The following CPA6 variants were observed in gnomAD, a reference collection of about 807,000 sequenced individuals.
CPA6 encodes the protein carboxypeptidase A6, also known as carboxypeptidase B.
In CPA6, 58 loss-of-function variants were observed where a neutral mutation model predicts 63.3. The observed-to-expected ratio is 0.92, with a 90% CI of 0.74 to 1.14. The LOEUF is 1.14. Ranked by LOEUF, CPA6 falls within the 50% of genes most tolerant of loss-of-function variation. The probability of loss-of-function intolerance (pLI) is 0.00; values close to 1 mark genes in which losing one functional copy is unlikely to be tolerated. For missense variants in CPA6, 565 were observed against 526.6 expected, an observed-to-expected ratio of 1.07 and a Z score of -0.71; for synonymous variants, 185 against 179.0, an observed-to-expected ratio of 1.03 and a Z score of -0.27.
At chr8:67,560,852 C>T (rs1160689094) in intron 2 of CPA6, among the ~76,000 whole-genome samples, 1 of 152,170 alleles carries the variant, frequency 6.6e-6, no homozygotes, top group Non-Finnish European at 1.5e-5. Flanking sequence ...AGCCCCATCC[C>T]TATTTCTGTT....
intron 1 of CPA6, among the ~76,000 whole-genome samples, chr8:67,743,634 A>C (rs879847816): frequency 5.3e-5 from 8 of 150,890 alleles, no homozygotes; most frequent in Non-Finnish European, 1.0e-4. Flanking sequence ...ATCCCAAGGC[A>C]ATTTTTTTTT....
chr8:67,634,343 C>G (rs909940325), intron 1 of CPA6, among the ~76,000 whole-genome samples: 2 of 150,598 alleles, frequency 1.3e-5, no homozygotes, highest in African/African-American at 5.0e-5. Flanking sequence ...CTCAGCCTCC[C>G]GAGTAGCTGG....
Position 67,681,200 on chromosome 8 carries a change from C to CTTTTTTT in CPA6, c.117-56956_117-56950dup, listed in dbSNP as rs1007305743. Among the ~76,000 whole-genome samples, 30 of 89,878 alleles carry CTTTTTTT rather than the reference C, an allele frequency of 3.3e-4. 5 individuals carry two copies. Among genetic ancestry groups the CTTTTTTT allele is most frequent in the African/African-American group, 1.5e-3 (25 of 16,234 alleles). 59.0% of individuals were successfully genotyped at this position (89,878 alleles called of 152,430 possible). On this transcript the variant is annotated intron_variant, in intron 1 of 10. Transcript: ENST00000297770. ...CTCAACCCAAGGTCACAAAGATTTT[C>CTTTTTTT]TTTTTTTTTTTTTTTTTTTTGAGAC...
intron 1 of CPA6, among the ~76,000 whole-genome samples, chr8:67,627,549 G>A (rs1815221145): frequency 6.6e-6 from 1 of 152,130 alleles, no homozygotes; most frequent in South Asian, 2.1e-4. Context: ...TATGGGTTGA[G>A]GTTAGAAAGA....
chr8:67,488,908 T>C (rs970726581), intron 6 of CPA6, among the ~76,000 whole-genome samples: 4 of 152,204 alleles, frequency 2.6e-5, no homozygotes, highest in Non-Finnish European at 4.4e-5. Flanking sequence ...TTTTGTATCC[T>C]GAGACTTCAC....
intron 2 of CPA6, among the ~76,000 whole-genome samples, chr8:67,539,419 T>G (rs916875057): frequency 1.3e-5 from 2 of 152,244 alleles, no homozygotes; most frequent in Non-Finnish European, 2.9e-5. Context: ...TCTGTCTGGC[T>G]GCCCTTAACA....
At chr8:67,701,026 C>T (rs1817012972) in intron 1 of CPA6, among the ~76,000 whole-genome samples, 1 of 152,058 alleles carries the variant, frequency 6.6e-6, no homozygotes, top group Non-Finnish European at 1.5e-5. Flanking sequence ...ATAATTACTA[C>T]AGATAGATAC....
At chr8:67,456,860 G>A (rs536393282) in intron 8 of CPA6, among the ~76,000 whole-genome samples, 110 of 152,354 alleles carry the variant, frequency 7.2e-4, no homozygotes, top group South Asian at 1.4e-3. Flanking sequence ...CAGAAGAGAA[G>A]GCTATGAGAC....
intron 1 of CPA6, among the ~76,000 whole-genome samples, chr8:67,732,867 G>C (rs1817732782): frequency 6.6e-6 from 1 of 152,084 alleles, no homozygotes; most frequent in South Asian, 2.1e-4. Flanking sequence ...CTCCAGCCAT[G>C]TCACCCTGCT....
Position 67,480,931 on chromosome 8 carries a change from C to A in CPA6, c.838+2837G>T, listed in dbSNP as rs374456603. Among the ~76,000 whole-genome samples the A allele has an allele frequency of 5.9e-5, 9 of 152,192 alleles. No individual in the cohort carries two copies. In the East Asian group the frequency reaches 1.2e-3, roughly 20 times the overall value. ...TTCTCTGTTGGCTAATGACGTTGAG[C>A]GTATTTTCATGTGCTTATTCTCTTT... is the stretch of plus-strand genomic sequence containing the variant. On this transcript the variant is annotated intron_variant, in intron 8 of 10. Transcript: ENST00000297770.
chr8:67,607,244 T>TCC (rs1564021500), intron 2 of CPA6, among the ~76,000 whole-genome samples: 101 of 128,444 alleles, frequency 7.9e-4, no homozygotes, highest in Non-Finnish European at 1.3e-3. Context: ...CTTCTTCTTC[T>TCC]TCTTCTTCTC....
intron 2 of CPA6, among the ~76,000 whole-genome samples, chr8:67,618,242 ACAAATATCTTCCACAG>A (rs2128986146): frequency 6.6e-6 from 1 of 152,336 alleles, no homozygotes; most frequent in Non-Finnish European, 1.5e-5. Flanking sequence ...TAAGTTGGGA[ACAAATATCTTCCACAG>A]CATGAATTCT....
chr8:67,517,764 T>C (rs1812176373), intron 3 of CPA6, among the ~76,000 whole-genome samples, 159 bp downstream of exon 3: 1 of 152,228 alleles, frequency 6.6e-6, no homozygotes, highest in Non-Finnish European at 1.5e-5. Context: ...ATTGGACTAA[T>C]AAGCTCTTCA....
chr8:67,597,597 A>G (rs1814379707), intron 2 of CPA6, among the ~76,000 whole-genome samples: 1 of 152,114 alleles, frequency 6.6e-6, no homozygotes, highest in Non-Finnish European at 1.5e-5. Context: ...TTCTGTCTTT[A>G]GCTGTGTCTA....
At chr8:67,541,377 G>A (rs2128970881) in intron 2 of CPA6, among the ~76,000 whole-genome samples, 1 of 152,212 alleles carries the variant, frequency 6.6e-6, no homozygotes, top group South Asian at 2.1e-4. Flanking sequence ...CAAGCAGACA[G>A]CCCAGCACTA....
At chr8:67,681,498 C>G (rs1587697297) in intron 1 of CPA6, among the ~76,000 whole-genome samples, 2 of 152,038 alleles carry the variant, frequency 1.3e-5, no homozygotes, top group Admixed American at 6.5e-5. Context: ...CGTGAGCCAC[C>G]GCGCCCGGCC....
intron 3 of CPA6, 31 bp downstream of exon 3, chr8:67,517,892 A>T: frequency 3.2e-6 from 5 of 1,582,282 alleles, no homozygotes; most frequent in Non-Finnish European, 4.3e-6. Flanking sequence ...AGTACCAATA[A>T]ATTTTATAGC....
chr8:67,574,223 CA>C (rs1186107226), intron 2 of CPA6, among the ~76,000 whole-genome samples: 1 of 151,338 alleles, frequency 6.6e-6, no homozygotes, highest in Non-Finnish European at 1.5e-5. Context: ...ACTAAAAATA[CA>C]AAAATTAGCT....
chr8:67,677,471 C>T (rs940841264), intron 1 of CPA6, among the ~76,000 whole-genome samples: 3 of 151,718 alleles, frequency 2.0e-5, no homozygotes. Flanking sequence ...TATCAAGGAG[C>T]CCTTATAAGC....
Sources: gnomAD v4.1 joint callset for allele counts (sites outside exome capture counted in the v4.1 genomes callset) on GRCh38, gnomAD v4.1.1 for gene constraint, MANE v1.5 for transcripts, NCBI Gene and HGNC (gene_info 2026-07-23, HGNC 2026-07-21) for gene names.